The following TASP1 variants were observed in gnomAD, a reference collection of about 807,000 sequenced individuals.
TASP1 encodes the protein taspase 1, also known as threonine aspartase 1.
TASP1 carries 16 observed loss-of-function variants against 56.6 expected under a neutral mutation model. That is an observed-to-expected ratio of 0.28 (90% confidence interval 0.19 to 0.43). The LOEUF is 0.43. Ranked by LOEUF, TASP1 falls within the 20% of genes least tolerant of loss-of-function variation. The probability of loss-of-function intolerance (pLI) is 1.00; values close to 1 mark genes in which losing one functional copy is unlikely to be tolerated. For synonymous variants in TASP1, 179 were observed against 184.2 expected (o/e 0.97, Z 0.23); for missense variants, 393 against 511.6 (o/e 0.77, Z 2.24).
the TASP1 span, among the ~76,000 whole-genome samples, chr20:13,381,738 T>C: frequency 6.6e-6 from 1 of 152,202 alleles, no homozygotes; most frequent in Non-Finnish European, 1.5e-5. Context: ...TCTTTTCTTA[T>C]AGTCTGCCTC....
chr20:13,353,908 G>A, the TASP1 span, among the ~76,000 whole-genome samples: 1 of 151,726 alleles, frequency 6.6e-6, no homozygotes, highest in South Asian at 2.1e-4. Flanking sequence ...AAAGAAAGAG[G>A]AAAAAAAGTA....
intron 4 of TASP1, among the ~76,000 whole-genome samples, chr20:13,620,259 G>C (rs1225789362): frequency 7.6e-5 from 9 of 119,016 alleles, no homozygotes; most frequent in African/African-American, 4.2e-4. Context: ...GTGTCTCTGT[G>C]GTATTTACAC....
chr20:13,371,414 T>C, the TASP1 span, among the ~76,000 whole-genome samples: 15 of 152,338 alleles, frequency 9.8e-5, no homozygotes, highest in African/African-American at 3.6e-4. Flanking sequence ...ATCTTAGACC[T>C]GTTGGTTATT....
At chr20:13,437,709 C>T (rs1285513183) in intron 11 of TASP1, among the ~76,000 whole-genome samples, 3 of 152,100 alleles carry the variant, frequency 2.0e-5, no homozygotes, top group Admixed American at 2.0e-4. Flanking sequence ...TTCTTATACA[C>T]CAATAACAGA....
At chr20:13,195,797 A>G in the TASP1 span, among the ~76,000 whole-genome samples, 1 of 152,214 alleles carries the variant, frequency 6.6e-6, no homozygotes, top group African/African-American at 2.4e-5. Flanking sequence ...CAGACATTTT[A>G]TTTTAAAACA....
chr20:13,121,024 G>A, the TASP1 span, among the ~76,000 whole-genome samples: 1 of 152,210 alleles, frequency 6.6e-6, no homozygotes, highest in Non-Finnish European at 1.5e-5. Flanking sequence ...CTTCTTTGAA[G>A]GAAAGCCTAA....
At position 13,587,381 on chromosome 20, in the gene TASP1, A is replaced by C. The variant is rs2047344624; in HGVS notation, c.283-11T>G. ...TGTAAAAGGAGAATCCTAAAAGACA[A>C]AAACAAAAATTAAAATATCATTAGT... On this transcript the variant is annotated splice_polypyrimidine_tract_variant and intron_variant, in intron 4 of 13. Coordinates refer to ENST00000337743, the MANE Select transcript of TASP1 (RefSeq NM_017714.3). 2 of 1,583,188 alleles carry C rather than the reference A, an allele frequency of 1.3e-6. No individual in the cohort carries two copies. Among genetic ancestry groups the C allele is most frequent in the African/African-American group, 2.7e-5 (2 of 73,058 alleles).
the TASP1 span, among the ~76,000 whole-genome samples, chr20:13,221,463 C>T: frequency 9.9e-4 from 144 of 146,088 alleles, no homozygotes; most frequent in Middle Eastern, 3.5e-3. Flanking sequence ...ACCCAGTCTC[C>T]GTCTCCGCCG....
rs530579607 is a variant in TASP1 at position 13,506,917 on chromosome 20, T to C, written c.874+21516A>G. 1.8e-4 allele frequency among the ~76,000 whole-genome samples: 27 copies of C among 150,762 alleles called. No individual in the cohort carries two copies. The South Asian group carries it at 4.8e-3, about 27-fold the overall frequency. On this transcript the variant is annotated intron_variant, in intron 10 of 13. Transcript: ENST00000337743. Reference sequence around the variant, plus strand: ...ACAAAAGAGAGAGAATTTTGGTACATTGTGTTTCCATTTTTGTTTGCCTAA... The same window carrying C: ...ACAAAAGAGAGAGAATTTTGGTACACTGTGTTTCCATTTTTGTTTGCCTAA...
At chr20:13,564,275 C>T (rs1568587704) in intron 7 of TASP1, among the ~76,000 whole-genome samples, 1 of 151,744 alleles carries the variant, frequency 6.6e-6, no homozygotes, top group East Asian at 1.9e-4. Context: ...AAATCAGTTG[C>T]ATTTCTATAA....
chr20:13,583,002 C>A (rs142809049), intron 5 of TASP1, among the ~76,000 whole-genome samples: 1 of 152,174 alleles, frequency 6.6e-6, no homozygotes, highest in Non-Finnish European at 1.5e-5. Flanking sequence ...CCACAGGGAG[C>A]AGCTTTCTCC....
At chr20:13,393,471 G>A in intron 13 of TASP1, 1 of 794,012 alleles carries the variant, frequency 1.3e-6, no homozygotes, top group Non-Finnish European at 2.2e-6. Flanking sequence ...GCAGGTGTCA[G>A]AGGGCCCCCT....
chr20:13,497,018 T>C (rs2146610834), intron 10 of TASP1, among the ~76,000 whole-genome samples: 1 of 152,316 alleles, frequency 6.6e-6, no homozygotes, highest in East Asian at 1.9e-4. Flanking sequence ...AATGACTACA[T>C]GTGAGCTACC....
the TASP1 span, among the ~76,000 whole-genome samples, chr20:13,265,891 A>G: frequency 6.6e-6 from 1 of 152,116 alleles, no homozygotes; most frequent in Admixed American, 6.5e-5. Flanking sequence ...TAGCTCCATA[A>G]TACTATCAGG....
intron 11 of TASP1, among the ~76,000 whole-genome samples, chr20:13,464,161 A>G (rs2044162124): frequency 6.6e-6 from 1 of 152,158 alleles, no homozygotes; most frequent in South Asian, 2.1e-4. Context: ...AATCCCCAGT[A>G]TCTCAGAATA....
At chr20:13,400,448 AT>A (rs578100149) in intron 13 of TASP1, among the ~76,000 whole-genome samples, 52 of 152,332 alleles carry the variant, frequency 3.4e-4, no homozygotes, top group Middle Eastern at 6.8e-3. Flanking sequence ...TCAAAGAATT[AT>A]TGGGGTTCTA....
At chr20:13,493,656 T>C (rs2043622189) in intron 10 of TASP1, among the ~76,000 whole-genome samples, 1 of 152,188 alleles carries the variant, frequency 6.6e-6, no homozygotes, top group Admixed American at 6.5e-5. Context: ...CTGGATTCTT[T>C]CTTCCCCAGC....
intron 1 of TASP1, among the ~76,000 whole-genome samples, chr20:13,634,261 GAAAA>G (rs1455183850): frequency 6.6e-6 from 1 of 152,064 alleles, no homozygotes; most frequent in Non-Finnish European, 1.5e-5. Context: ...TTGAAACAAT[GAAAA>G]AAACAGACAC....
At chr20:13,183,873 C>T in the TASP1 span, among the ~76,000 whole-genome samples, 2 of 151,380 alleles carry the variant, frequency 1.3e-5, no homozygotes, top group Non-Finnish European at 2.9e-5. Context: ...ACTAAAAATA[C>T]AAAAAATTAG....
Sources: gnomAD v4.1 joint callset for allele counts (sites outside exome capture counted in the v4.1 genomes callset) on GRCh38, gnomAD v4.1.1 for gene constraint, MANE v1.5 for transcripts, NCBI Gene and HGNC (gene_info 2026-07-23, HGNC 2026-07-21) for gene names.